TBX3: variants seen among roughly 807,000 people sequenced by gnomAD.
TBX3 encodes T-box transcription factor 3, also known as T-box transcription factor TBX3.
Under a neutral mutation model 47.8 loss-of-function variants are expected in TBX3, and 11 were observed. That is an observed-to-expected ratio of 0.23 (90% CI 0.14 to 0.38). TBX3 has a LOEUF of 0.38. Ranked by LOEUF, TBX3 falls within the 10% of genes least tolerant of loss-of-function variation. The pLI is 1.00. For missense variants in TBX3, 927 were observed against 1,022.8 expected (o/e 0.91, Z 1.28); for synonymous variants, 500 against 449.3 (o/e 1.11, Z -1.43).
At chr12:114,679,398 C>T (rs1868836068) in intron 3 of TBX3, 107 bp downstream of exon 3, 2 of 1,498,090 alleles carry the variant, frequency 1.3e-6, no homozygotes, top group Non-Finnish European at 1.9e-6. Context: ...AAAGACAACT[C>T]AAGACTCTCG....
chr12:114,682,997 C>A lies in TBX3; in HGVS notation c.204G>T (p.Leu68Phe). 1 of 1,614,004 alleles carries A rather than the reference C, an allele frequency of 6.2e-7. No homozygotes were observed. Among genetic ancestry groups the A allele is most frequent in the South Asian group, 1.1e-5 (1 of 91,076 alleles). ...GALAKPIMDQ[L>F]VGAAETGIPF... ...GGATGCCGGTCTCGGCCGCCCCCAC[C>A]AATTGATCCATGATCGGCTTGGCCA... Residue 68 changes from leucine to phenylalanine, a missense_variant, in exon 1 of 7, where the codon TTG becomes TTT. Around this residue, in one of 5 missense-constraint regions of TBX3, gnomAD observed 216 missense variants for 281.2 expected, o/e 0.77. Transcript: ENST00000349155.
intron 3 of TBX3, 83 bp downstream of exon 3, chr12:114,679,422 G>A: frequency 6.3e-7 from 1 of 1,586,430 alleles, no homozygotes; most frequent in South Asian, 1.1e-5. Context: ...CCACTCTCTT[G>A]TAACTTTCTC....
intron 1 of TBX3, 27 bp from the exon 2 acceptor site, chr12:114,681,173 A>G (rs765530224): frequency 1.2e-6 from 2 of 1,613,390 alleles, no homozygotes; most frequent in Non-Finnish European, 1.7e-6. Flanking sequence ...TAGAAAAGAA[A>G]AAGAAAGATA....
In TBX3 at chr12:114,683,524, A is replaced by AG; in HGVS notation, c.-325dup. On this transcript the variant is annotated 5_prime_UTR_variant, in exon 1 of 7. Transcript: ENST00000349155. This position sits in a 1 kb window ranked among gnomAD's most constrained non-coding sequence, Gnocchi z 7.7. The stretch of plus-strand genomic sequence containing the variant: ...GAACGTCGGTTTCAGAAGCGAGAGG[A>AG]GCGAGCAGGGTCTCGACTCGCGCCC... 2.7e-6 allele frequency: 1 copy of AG among 374,368 alleles called. No homozygotes were observed. 23.2% of individuals were successfully genotyped at this position (374,368 alleles called of 1,614,324 possible).
In TBX3 at chr12:114,671,640, CA is replaced by C. The variant is rs1199694628; in HGVS notation, c.*200del. 1 of 672,556 alleles carries C rather than the reference CA, an allele frequency of 1.5e-6. No homozygotes were observed. The highest frequency in any genetic ancestry group is 2.5e-6 in the Non-Finnish European group (1 of 394,326). The allele number at this position is 672,556 out of a possible 1,614,324, so 41.7% of individuals were successfully genotyped here. ...GTTTCTGAGCCCCCAGAATCTGATC[CA>C]GATCCCGGACATATAAACCACGCCA... is the stretch of plus-strand genomic sequence containing the variant. On this transcript the variant is annotated 3_prime_UTR_variant, in exon 7 of 7. Transcript: ENST00000349155.
In TBX3 at chr12:114,671,797, C is replaced by G. The variant is rs916971679; in HGVS notation, c.*44G>C. 2 of 1,545,772 alleles carry G rather than the reference C, an allele frequency of 1.3e-6. No homozygotes were observed. Among genetic ancestry groups the G allele is most frequent in the Non-Finnish European group, 1.7e-6 (2 of 1,144,072 alleles). The stretch of plus-strand genomic sequence containing the variant: ...ATTTTATATCCGACAAAGTGCACGG[C>G]AGCCTGAACTGGACTGGAATGAAAA... On this transcript the variant is annotated 3_prime_UTR_variant, in exon 7 of 7. Coordinates refer to ENST00000349155, the MANE Select transcript of TBX3 (RefSeq NM_005996.4).
intron 5 of TBX3, among the ~76,000 whole-genome samples, chr12:114,675,633 A>T (rs57341353): frequency 1.3e-5 from 2 of 149,984 alleles, no homozygotes; most frequent in African/African-American, 2.5e-5. Context: ...TCCCGTTGAG[A>T]GTGTGTGTGT....
chr12:114,675,578 A>G (rs560302402), intron 5 of TBX3, among the ~76,000 whole-genome samples: 2 of 152,344 alleles, frequency 1.3e-5, no homozygotes, highest in East Asian at 3.9e-4. Context: ...AATGGATTGA[A>G]GACATAAAGG....
In TBX3 at chr12:114,674,827, G is replaced by A. The variant is rs890506392; in HGVS notation, c.1048C>T (p.Pro350Ser). ...TCGGCGTCGCTCTCACCCTCGCTGG[G>A]ACATAAATCTACCACAGGCGAAGGA... ...VGTSNLKDLCPSEGESDAEAE... is the reference protein window; with the variant it reads ...VGTSNLKDLCSSEGESDAEAE... The change falls in exon 6 of 7, where the codon CCC (proline) becomes TCC (serine). Residue 350 changes from proline to serine, a missense_variant. Pro to Ser is a moderately conservative substitution (Grantham distance 74). Around this residue, in one of 5 missense-constraint regions of TBX3, gnomAD observed 623 missense variants for 569.0 expected, o/e 1.09. Transcript: ENST00000349155. 1.9e-6 allele frequency: 3 copies of A among 1,570,910 alleles called. No individual in the cohort carries two copies. Among genetic ancestry groups the A allele is most frequent in the African/African-American group, 2.7e-5 (2 of 74,772 alleles).
chr12:114,679,375 T>C (rs1868835556), intron 3 of TBX3, 130 bp downstream of exon 3: 5 of 1,316,436 alleles, frequency 3.8e-6, no homozygotes, highest in Non-Finnish European at 5.4e-6. Flanking sequence ...CCCCAAATGC[T>C]CCACAAATCA....
At position 114,683,027 on chromosome 12, in the gene TBX3, G is replaced by A. The variant is rs777333954; in HGVS notation, c.174C>T (p.Gly58=). The A allele has an allele frequency of 6.2e-7, 1 of 1,609,076 alleles. No individual in the cohort carries two copies. Among genetic ancestry groups the A allele is most frequent in the Non-Finnish European group, 8.5e-7 (1 of 1,176,730 alleles). Residue 58 remains glycine, a synonymous_variant, in exon 1 of 7, where the codon GGC becomes GGT. Transcript: ENST00000349155. The surrounding 1 kb of genome is among the most constrained non-coding windows in gnomAD (Gnocchi z 7.7). ...PNGAAALSLP[G]ALAKPIMDQL... ...GATCCATGATCGGCTTGGCCAGGGC[G>A]CCCGGCAGCGAGAGCGCCGCCGCGC...
In TBX3 at chr12:114,671,013, G is replaced by A. The variant is rs1275616670; in HGVS notation, c.*828C>T. 1 of 204,580 alleles carries A rather than the reference G, an allele frequency of 4.9e-6. No individual in the cohort carries two copies. The highest frequency in any genetic ancestry group is 1.0e-5 in the Non-Finnish European group (1 of 99,976). The allele number at this position is 204,580 out of a possible 1,614,324, so 12.7% of individuals were successfully genotyped here. ...ACAGGAAAGAGAAAGAACTGTCAAA[G>A]AACGACATGAATCCTGCTACAGAGC... On this transcript the variant is annotated 3_prime_UTR_variant, in exon 7 of 7. Coordinates refer to ENST00000349155, the MANE Select transcript of TBX3 (RefSeq NM_005996.4).
rs775182377 is a variant in TBX3 at position 114,674,617 on chromosome 12, C to A, written c.1258G>T (p.Ala420Ser). The A allele has an allele frequency of 1.5e-5, 24 of 1,602,782 alleles. No homozygotes were observed. Among genetic ancestry groups the A allele is most frequent in the Non-Finnish European group, 1.9e-5 (22 of 1,176,360 alleles). Residue 420 changes from alanine to serine, a missense_variant, in exon 6 of 7, where the codon GCC (alanine) becomes TCC (serine). By Grantham distance (99) the Ala-to-Ser change is moderately conservative (BLOSUM62 1). Coordinates refer to ENST00000349155, the MANE Select transcript of TBX3 (RefSeq NM_005996.4). ...CCGCGAGTGCTGGACGAGATGGTGGCGGGGCTATGGCGTGAGTCGGGCGAC... is the reference window on the plus strand; with the variant it reads ...CCGCGAGTGCTGGACGAGATGGTGGAGGGGCTATGGCGTGAGTCGGGCGAC... ...KASPDSRHSP[A>S]TISSSTRGLG... is the part of the protein sequence containing the mutation.
rs1282605840 is a variant in TBX3 at position 114,683,242 on chromosome 12, C to T, written c.-42G>A. On this transcript the variant is annotated 5_prime_UTR_variant, in exon 1 of 7. Transcript: ENST00000349155. This position sits in a 1 kb window ranked among gnomAD's most constrained non-coding sequence, Gnocchi z 7.7. ...GCTGGGCTCCAGCCGGGGACAAGTC[C>T]GCAGCTGCTGTGTTTTGTTGTTTTT... 4.4e-6 allele frequency: 7 copies of T among 1,602,740 alleles called. No individual in the cohort carries two copies. The South Asian group carries it at 5.5e-5, about 13-fold the overall frequency.
rs1198858776 is a variant in TBX3, at chr12:114,671,531, G to A, written c.*310C>T. 4.0e-6 allele frequency: 2 copies of A among 497,300 alleles called. No individual in the cohort carries two copies. Among genetic ancestry groups the A allele is most frequent in the Non-Finnish European group, 7.3e-6 (2 of 274,630 alleles). 30.8% of individuals were successfully genotyped at this position (497,300 alleles called of 1,614,324 possible). ...CTTTGAACACCTCCCCGCCTGGTGG[G>A]CAGAGACCCAGACCAGCCTTGCTGG... is the stretch of plus-strand genomic sequence containing the variant. On this transcript the variant is annotated 3_prime_UTR_variant, in exon 7 of 7. Coordinates refer to ENST00000349155, the MANE Select transcript of TBX3 (RefSeq NM_005996.4).
chr12:114,682,151 A>AT (rs1868957503), intron 1 of TBX3, among the ~76,000 whole-genome samples: 1 of 152,226 alleles, frequency 6.6e-6, no homozygotes, highest in Admixed American at 6.5e-5. Flanking sequence ...ATATTCACAC[A>AT]TTAAAAAAAA....
Position 114,674,558 on chromosome 12 carries a change from G to A in TBX3, c.1317C>T (p.Arg439=), listed in dbSNP as rs1162533759. 3.2e-6 allele frequency: 5 copies of A among 1,561,250 alleles called. No homozygotes were observed. Among genetic ancestry groups the A allele is most frequent in the Admixed American group, 3.7e-5 (2 of 53,594 alleles). ...CCACCTTGGCCGGCGCTGTGCCCTC[G>A]CGAACCGGGCTCCTGCGCTCCTCCG... ...LGAEERRSPV[R]EGTAPAKVEE... Residue 439 remains arginine, a synonymous_variant, in exon 6 of 7, where the codon CGC becomes CGT. Transcript: ENST00000349155.
Position 114,683,312 on chromosome 12 carries a change from A to G in TBX3, c.-112T>C. The G allele has an allele frequency of 2.8e-6, 4 of 1,426,754 alleles. No individual in the cohort carries two copies. The highest frequency in any genetic ancestry group is 3.8e-6 in the Non-Finnish European group (4 of 1,048,524). 88.4% of individuals were successfully genotyped at this position (1,426,754 alleles called of 1,614,324 possible). ...GCACATAATTCAAAAGGGGGGAAAA[A>G]GCAAAACAAAAAAGAAAGAAAAAAG... On this transcript the variant is annotated 5_prime_UTR_variant, in exon 1 of 7. Coordinates refer to ENST00000349155, the MANE Select transcript of TBX3 (RefSeq NM_005996.4). The surrounding 1 kb of genome is among the most constrained non-coding windows in gnomAD (Gnocchi z 7.7).
intron 2 of TBX3, chr12:114,680,125 T>C (rs1868864239): frequency 2.7e-6 from 2 of 745,518 alleles, no homozygotes; most frequent in East Asian, 2.7e-5. Context: ...GGGCTTCAAA[T>C]GCAATTCCTG....
Sources: gnomAD v4.1 joint callset for allele counts (sites outside exome capture counted in the v4.1 genomes callset) on GRCh38, gnomAD v4.1.1 for gene constraint, gnomAD v4.1.1 regional missense constraint, Gnocchi (gnomAD v3.1) non-coding constraint, MANE v1.5 for transcripts, NCBI Gene and HGNC (gene_info 2026-07-23, HGNC 2026-07-21) for gene names.